Variants in SCD5 observed in about 807,000 individuals in gnomAD.
The protein encoded by SCD5 is stearoyl-CoA desaturase 5, also known as acyl-CoA-desaturase 4.
Under a neutral mutation model 30.4 loss-of-function variants are expected in SCD5, and 20 were observed. That is an observed-to-expected ratio of 0.66 (90% CI 0.46 to 0.96). The LOEUF (loss-of-function observed/expected upper bound fraction) is 0.96, where lower values mean the gene tolerates loss of function less well. Among genes scored for constraint, SCD5 ranks in the 40% least tolerant of loss-of-function variants. The pLI is 0.00. For synonymous variants in SCD5, 173 were observed against 176.4 expected (o/e 0.98, Z 0.16); for missense variants, 381 against 443.3 (o/e 0.86, Z 1.26).
At chr4:82,712,299 T>TATATACA (rs1560540883) in intron 1 of SCD5, among the ~76,000 whole-genome samples, 1 of 32,012 alleles carries the variant, frequency 3.1e-5, no homozygotes, top group African/African-American at 1.1e-4. Context: ...TATATATATT[T>TATATACA]TATTTTTATT....
At chr4:82,720,441 T>TAAAAAAAAA (rs1553917690) in intron 1 of SCD5, among the ~76,000 whole-genome samples, 113 of 77,796 alleles carry the variant, frequency 1.5e-3, no homozygotes, top group Non-Finnish European at 2.0e-3. Context: ...AAGGCAAAAA[T>TAAAAAAAAA]AAAAAAAAAA....
chr4:82,780,967 C>T (rs1197708634), intron 1 of SCD5, among the ~76,000 whole-genome samples: 1 of 152,192 alleles, frequency 6.6e-6, no homozygotes, highest in Non-Finnish European at 1.5e-5. Context: ...TAGAGGTGGG[C>T]CCTGGCTAGG....
intron 1 of SCD5, among the ~76,000 whole-genome samples, chr4:82,714,606 G>A (rs889959003): frequency 1.8e-4 from 28 of 152,208 alleles, no homozygotes; most frequent in Admixed American, 3.3e-4. Flanking sequence ...GGGGGCTGTG[G>A]GGGTAAAATG....
At chr4:82,676,454 C>T (rs1728438424) in intron 3 of SCD5, among the ~76,000 whole-genome samples, 1 of 152,160 alleles carries the variant, frequency 6.6e-6, no homozygotes, top group Admixed American at 6.5e-5. Context: ...TTTCCTTTTC[C>T]CCTTTTGCTC....
chr4:82,682,428 A>C (rs1728597346), intron 2 of SCD5, among the ~76,000 whole-genome samples: 1 of 152,190 alleles, frequency 6.6e-6, no homozygotes, highest in South Asian at 2.1e-4. Flanking sequence ...TGCTTTCAAA[A>C]CTTTGAGAAG....
chr4:82,732,368 G>A (rs1326889357), intron 1 of SCD5, among the ~76,000 whole-genome samples: 1 of 152,200 alleles, frequency 6.6e-6, no homozygotes, highest in African/African-American at 2.4e-5. Flanking sequence ...TGGATTACAG[G>A]CACGAGCCAC....
At chr4:82,772,879 A>G (rs939820507) in intron 1 of SCD5, among the ~76,000 whole-genome samples, 7 of 152,104 alleles carry the variant, frequency 4.6e-5, no homozygotes, top group Admixed American at 6.6e-5. Context: ...CCTGGCATCT[A>G]GTAGGTGCTC....
At chr4:82,712,982 G>C (rs1477835708) in intron 1 of SCD5, among the ~76,000 whole-genome samples, 1 of 152,052 alleles carries the variant, frequency 6.6e-6, no homozygotes, top group Non-Finnish European at 1.5e-5. Context: ...AGAAGCAAAG[G>C]GTTTCTTCTT....
At chr4:82,655,366 T>C (rs1727848631) in intron 3 of SCD5, among the ~76,000 whole-genome samples, 1 of 152,212 alleles carries the variant, frequency 6.6e-6, no homozygotes. Context: ...GCAGATGGTA[T>C]TAGTGGCCAC....
chr4:82,688,706 G>A lies in SCD5; in HGVS notation c.364-7794C>T, dbSNP rs531942647. On this transcript the variant is annotated intron_variant, in intron 2 of 4. Transcript: ENST00000319540. ...TTCATGTGGCACTTGGTCTACATAG[G>A]TCTTAGAGGCTGGGTAAGTGTTGAA... Among the ~76,000 whole-genome samples, 18 of 152,164 alleles carry A rather than the reference G, an allele frequency of 1.2e-4. No individual in the cohort carries two copies. The South Asian group carries it at 1.5e-3, about 12-fold the overall frequency.
At chr4:82,752,937 C>A (rs1331349813) in intron 1 of SCD5, among the ~76,000 whole-genome samples, 1 of 152,116 alleles carries the variant, frequency 6.6e-6, no homozygotes, top group Admixed American at 6.5e-5. Flanking sequence ...TAAAATATAT[C>A]TTTTACTTAA....
chr4:82,664,755 C>T (rs1232436889), intron 3 of SCD5, among the ~76,000 whole-genome samples: 2 of 151,902 alleles, frequency 1.3e-5, no homozygotes, highest in Non-Finnish European at 2.9e-5. Flanking sequence ...CAAGCCAAAA[C>T]ATAAAGATAA....
At chr4:82,775,504 A>G (rs1330384943) in intron 1 of SCD5, 1 of 152,270 alleles carries the variant, frequency 6.6e-6, no homozygotes, top group Non-Finnish European at 1.5e-5. Context: ...CAAAAGGGCC[A>G]TGCCACGTGC....
chr4:82,752,371 T>A (rs1721123191), intron 1 of SCD5, among the ~76,000 whole-genome samples: 1 of 151,894 alleles, frequency 6.6e-6, no homozygotes, highest in Admixed American at 6.6e-5. Flanking sequence ...GACGTGGGAA[T>A]AGGTGGGAAG....
chr4:82,743,271 A>T (rs1720915997), intron 1 of SCD5, among the ~76,000 whole-genome samples: 1 of 152,124 alleles, frequency 6.6e-6, no homozygotes, highest in African/African-American at 2.4e-5. Flanking sequence ...GCACTTTGGG[A>T]GGCCGAGGTG....
At chr4:82,753,786 C>A (rs549553844) in intron 1 of SCD5, among the ~76,000 whole-genome samples, 62 of 151,994 alleles carry the variant, frequency 4.1e-4, no homozygotes, top group African/African-American at 1.5e-3. Context: ...CCAGCACATA[C>A]CCCCCTGACA....
intron 2 of SCD5, among the ~76,000 whole-genome samples, chr4:82,681,801 T>G (rs751817985): frequency 1.8e-4 from 27 of 152,260 alleles, no homozygotes; most frequent in Non-Finnish European, 3.7e-4. Flanking sequence ...GGGAGAGATG[T>G]TCTTAGGATG....
intron 1 of SCD5, among the ~76,000 whole-genome samples, chr4:82,747,545 G>A (rs571759351): frequency 7.2e-5 from 11 of 152,310 alleles, no homozygotes; most frequent in Middle Eastern, 3.4e-3. Flanking sequence ...GGTGATAACC[G>A]TAGCTTCCTC....
intron 2 of SCD5, among the ~76,000 whole-genome samples, chr4:82,700,051 T>C (rs1006135174): frequency 4.0e-5 from 6 of 151,724 alleles, no homozygotes; most frequent in African/African-American, 1.5e-4. Flanking sequence ...ACCTTATCTT[T>C]ACTAAAAATG....
Sources: gnomAD v4.1 joint callset for allele counts (sites outside exome capture counted in the v4.1 genomes callset) on GRCh38, gnomAD v4.1.1 for gene constraint, MANE v1.5 for transcripts, NCBI Gene and HGNC (gene_info 2026-07-23, HGNC 2026-07-21) for gene names.